The following LTF variants were observed in gnomAD, a reference collection of about 807,000 sequenced individuals.
LTF encodes epididymis luminal protein 110.
A neutral mutation model predicts 87.2 loss-of-function variants in LTF; 91 were observed. The ratio of observed to expected loss-of-function variants is 1.04; its 90% CI spans 0.88 to 1.24. The LOEUF is 1.24. Among genes scored for constraint, LTF ranks in the 50% most tolerant of loss-of-function variants. LTF has a pLI of 0.00. For missense variants in LTF, 901 were observed against 904.3 expected, an observed-to-expected ratio of 1.00 and a Z score of 0.05; for synonymous variants, 378 against 356.1, an observed-to-expected ratio of 1.06 and a Z score of -0.69.
intron 1 of LTF, among the ~76,000 whole-genome samples, chr3:46,461,458 G>A (rs1703078851): frequency 6.6e-6 from 1 of 152,238 alleles, no homozygotes; most frequent in Non-Finnish European, 1.5e-5. Context: ...TTACTCAGCA[G>A]TGAAAAGAAC....
chr3:46,468,252 C>T (rs748371302), upstream of LTF: 5 of 456,738 alleles, frequency 1.1e-5, no homozygotes, highest in Non-Finnish European at 2.2e-5. Flanking sequence ...ATTAACTTAC[C>T]CATTCATTCA....
upstream of LTF, among the ~76,000 whole-genome samples, chr3:46,465,794 A>C (rs1458539336): frequency 6.6e-6 from 1 of 152,212 alleles, no homozygotes; most frequent in Non-Finnish European, 1.5e-5. Flanking sequence ...CCCCAGGTAC[A>C]AATGTTTCCA....
At chr3:46,479,210 G>A (rs1296189756) in intron 1 of LTF, among the ~76,000 whole-genome samples, 1 of 152,242 alleles carries the variant, frequency 6.6e-6, no homozygotes, top group Non-Finnish European at 1.5e-5. Flanking sequence ...TCTGGAGGAG[G>A]GGCAGCCTGA....
chr3:46,445,222 C>T, intron 12 of LTF, 59 bp downstream of exon 12: 5 of 1,502,528 alleles, frequency 3.3e-6, no homozygotes, highest in Non-Finnish European at 4.5e-6. Context: ...TAAGGTTCCA[C>T]AGCACAATAT....
chr3:46,461,291 C>A (rs368784763), intron 1 of LTF, among the ~76,000 whole-genome samples: 15 of 152,324 alleles, frequency 9.8e-5, no homozygotes, highest in African/African-American at 3.4e-4. Context: ...CCAACAATTG[C>A]ACTTCTAGGC....
In LTF at chr3:46,482,551, AAGGG is replaced by A. The variant is rs1559614537; in HGVS notation, c.-320+2431_-320+2434del. ...AAGGGAAGGGAAGGGAAGGGAAGGGAAGGGAAGGGAAGGGAAGGGAAAGGAAAGG... is the reference window on the plus strand; with the variant it reads ...AAGGGAAGGGAAGGGAAGGGAAGGGAAAGGGAAGGGAAGGGAAAGGAAAGG... On this transcript the variant is annotated intron_variant, in intron 1 of 19. Coordinates refer to the LTF transcript ENST00000443496. 1.3e-4 allele frequency among the ~76,000 whole-genome samples: 15 copies of A among 113,792 alleles called. 1 individual carries two copies. The South Asian group carries it at 1.5e-3, about 12-fold the overall frequency. 74.7% of individuals were successfully genotyped at this position (113,792 alleles called of 152,430 possible). A position where few individuals can be genotyped will look rare whatever the true frequency, so the allele number is the denominator to read the frequency against.
chr3:46,476,453 C>A lies in LTF; in HGVS notation c.-319-5987G>T, dbSNP rs184786311. On this transcript the variant is annotated intron_variant, in intron 1 of 19. Transcript: ENST00000443496. ...TTGATTTTTCTCTTTGGTTATGAAT[C>A]ATACCAATTTATTTTCAAATACCAA... Among the ~76,000 whole-genome samples, 107 of 152,306 alleles carry A rather than the reference C, an allele frequency of 7.0e-4. 1 individual carries two copies. The highest frequency in any genetic ancestry group is 2.5e-3 in the African/African-American group (103 of 41,574).
In LTF at chr3:46,445,436, C is replaced by T; in HGVS notation, c.1358G>A (p.Gly453Glu). The T allele has an allele frequency of 6.2e-7, 1 of 1,609,172 alleles. No homozygotes were observed. Among genetic ancestry groups the T allele is most frequent in the Middle Eastern group, 1.7e-4 (1 of 6,030 alleles). ...CCTAACCACCGCCACAGCAAGATATCCTGGCATAACAGATGACAGAAAAAC... is the reference window on the plus strand; with the variant it reads ...CCTAACCACCGCCACAGCAAGATATTCTGGCATAACAGATGACAGAAAAAC... ...DPNCVDRPVE[G>E]YLAVAVVRRS... The change falls in exon 12 of 17, where the codon GGA becomes GAA. Residue 453 changes from glycine to glutamate, a missense_variant and splice_region_variant. By Grantham distance (98) the Gly-to-Glu change is moderately conservative. Transcript: ENST00000231751.
intron 1 of LTF, among the ~76,000 whole-genome samples, chr3:46,478,883 C>T (rs769612291): frequency 9.9e-5 from 15 of 152,186 alleles, no homozygotes; most frequent in Admixed American, 2.0e-4. Context: ...CCAGAGAGGG[C>T]GTGTGGCCTG....
chr3:46,481,536 G>A (rs2106929538), intron 1 of LTF, among the ~76,000 whole-genome samples: 1 of 152,262 alleles, frequency 6.6e-6, no homozygotes, highest in Admixed American at 6.5e-5. Flanking sequence ...TAAGACTTGG[G>A]TAATTGTGAC....
intron 5 of LTF, among the ~76,000 whole-genome samples, chr3:46,454,656 A>G (rs1702882156): frequency 6.6e-6 from 1 of 152,234 alleles, no homozygotes; most frequent in African/African-American, 2.4e-5. Flanking sequence ...AAGCCTTAGC[A>G]TCACTGTTCA....
chr3:46,469,579 T>C (rs1017089445), upstream of LTF: 1 of 152,330 alleles, frequency 6.6e-6, no homozygotes, highest in African/African-American at 2.4e-5. Flanking sequence ...GTATTGATCA[T>C]TTATTTGCTG....
chr3:46,441,543 A>C (rs1432734312), intron 13 of LTF, 60 bp from the exon 14 acceptor site: 9 of 1,221,916 alleles, frequency 7.4e-6, no homozygotes, highest in Non-Finnish European at 1.1e-5. Flanking sequence ...GGGCTTTCAT[A>C]AATATTTGTA....
intron 6 of LTF, among the ~76,000 whole-genome samples, chr3:46,451,702 C>A (rs1031183837): frequency 9.9e-5 from 15 of 152,166 alleles, no homozygotes; most frequent in African/African-American, 3.6e-4. Context: ...TCAAGAGATT[C>A]TCTTGCCTCA....
upstream of LTF, among the ~76,000 whole-genome samples, chr3:46,467,688 C>G (rs1219573000): frequency 1.4e-5 from 2 of 146,062 alleles, no homozygotes; most frequent in African/African-American, 2.6e-5. Flanking sequence ...CCCTCTGTCA[C>G]CTAGGCTGGT....
At chr3:46,467,644 C>CTTTTTTTTTTTTTTT (rs5848801), upstream of LTF, among the ~76,000 whole-genome samples, 1 of 123,032 alleles carries the variant, frequency 8.1e-6, no homozygotes, top group Non-Finnish European at 1.7e-5. Context: ...CTTTTCTTTT[C>CTTTTTTTTTTTTTTT]TTTTTTTTTT....
At chr3:46,460,160 T>A (rs1703044499) in intron 1 of LTF, among the ~76,000 whole-genome samples, 1 of 152,210 alleles carries the variant, frequency 6.6e-6, no homozygotes, top group South Asian at 2.1e-4. Flanking sequence ...TTGCCCACTT[T>A]GAACCTGGAA....
chr3:46,466,025 G>C (rs1703206227), upstream of LTF, among the ~76,000 whole-genome samples: 1 of 152,172 alleles, frequency 6.6e-6, no homozygotes, highest in Admixed American at 6.5e-5. Context: ...GATCGCTTGA[G>C]CCCAGGAGTT....
In LTF at chr3:46,448,999, G is replaced by A; in HGVS notation, c.1076C>T (p.Ala359Val). ...NLRKSEEEVA[A>V]RRARVVWCAV... ...ACACCACACGACCCGCGCACGCCGG[G>A]CAGCCACTTCCTCCTCACCTGCCAG... Residue 359 changes from alanine to valine, a missense_variant, in exon 9 of 17, where the codon GCC (alanine) becomes GTC (valine). Coordinates refer to ENST00000231751, the MANE Select transcript of LTF (RefSeq NM_002343.6). 6.2e-7 allele frequency: 1 copy of A among 1,609,002 alleles called. No homozygotes were observed. The highest frequency in any genetic ancestry group is 1.3e-5 in the African/African-American group (1 of 74,784).
Sources: allele counts gnomAD v4.1 joint callset (sites outside exome capture counted in the v4.1 genomes callset), GRCh38; gene constraint gnomAD v4.1.1; transcripts MANE v1.5; gene names NCBI Gene and HGNC (gene_info 2026-07-23, HGNC 2026-07-21).